NT5C1B: variants seen among roughly 807,000 people sequenced by gnomAD.
NT5C1B encodes the protein cytosolic 5'-nucleotidase 1B.
In NT5C1B, 44 loss-of-function variants were observed where a neutral mutation model predicts 57.8. The ratio of observed to expected loss-of-function variants is 0.76; its 90% CI spans 0.60 to 0.98. The LOEUF is 0.98. Ranked by LOEUF, NT5C1B falls within the 50% of genes least tolerant of loss-of-function variation. NT5C1B has a pLI of 0.00. For missense variants in NT5C1B, 742 were observed against 719.5 expected, an observed-to-expected ratio of 1.03 and a Z score of -0.36; for synonymous variants, 284 against 282.6, an observed-to-expected ratio of 1.00 and a Z score of -0.05.
intron 8 of NT5C1B, 88 bp downstream of exon 8, chr2:18,576,096 A>C: frequency 7.4e-7 from 1 of 1,357,290 alleles, no homozygotes; most frequent in Non-Finnish European, 9.7e-7. Context: ...GAATAACTTA[A>C]ACATTCATCA....
intron 8 of NT5C1B, among the ~76,000 whole-genome samples, chr2:18,571,718 GTATATATATATATATATATATATATATA>G (rs59799495): frequency 3.2e-4 from 36 of 111,474 alleles, no homozygotes; most frequent in East Asian, 1.0e-3. Flanking sequence ...CTGTGTGTGT[GTATATATATATATATATATATATATATA>G]TATATATATA....
At chr2:18,571,154 A>G (rs1463453879) in intron 8 of NT5C1B, among the ~76,000 whole-genome samples, 1 of 152,198 alleles carries the variant, frequency 6.6e-6, no homozygotes, top group Admixed American at 6.5e-5. Context: ...CACTGTTCTG[A>G]ACATTGTACT....
intron 6 of NT5C1B, among the ~76,000 whole-genome samples, chr2:18,582,318 G>T (rs533828613): frequency 6.6e-6 from 1 of 152,258 alleles, no homozygotes; most frequent in East Asian, 1.9e-4. Context: ...AATAATTCAG[G>T]TAGTTCCATA....
chr2:18,580,611 G>A (rs1022642985), intron 6 of NT5C1B, among the ~76,000 whole-genome samples: 5 of 151,930 alleles, frequency 3.3e-5, no homozygotes, highest in East Asian at 1.9e-4. Context: ...GCAAAATTCC[G>A]TCTCAAAAAA....
At chr2:18,571,562 T>A (rs1321300599) in intron 8 of NT5C1B, among the ~76,000 whole-genome samples, 1 of 151,346 alleles carries the variant, frequency 6.6e-6, no homozygotes, top group African/African-American at 2.4e-5. Context: ...AGACTTAATA[T>A]TGTTAAGATA....
At chr2:18,572,492 A>G (rs1266600526) in intron 8 of NT5C1B, among the ~76,000 whole-genome samples, 1 of 152,240 alleles carries the variant, frequency 6.6e-6, no homozygotes, top group Non-Finnish European at 1.5e-5. Context: ...AAGCACTGAA[A>G]GATGTTAGAA....
intron 6 of NT5C1B, among the ~76,000 whole-genome samples, chr2:18,577,242 A>T (rs1665767904): frequency 6.6e-6 from 1 of 152,052 alleles, no homozygotes; most frequent in Non-Finnish European, 1.5e-5. Context: ...GACTTATCTA[A>T]CACACTGATT....
rs1018978782 is a variant in NT5C1B, at chr2:18,584,672, G to A, written c.565C>T (p.Arg189Cys). The A allele has an allele frequency of 6.2e-7, 1 of 1,612,350 alleles. No homozygotes were observed. The highest frequency in any genetic ancestry group is 1.7e-5 in the Admixed American group (1 of 59,922). Residue 189 changes from arginine (R) to cysteine (C), a missense_variant, in exon 4 of 9, where the codon CGC becomes TGC. Arg to Cys is a radical substitution (Grantham distance 180). Transcript: ENST00000304081. This position sits in a 1 kb window ranked among gnomAD's most constrained non-coding sequence, Gnocchi z 5.8. ...GTGGAGGCGGGGTAGATCCCCCTGC[G>A]CTGGCTGGAGGACTTCCACTCGGTG... is the stretch of plus-strand genomic sequence containing the variant.
At chr2:18,586,888 A>G (rs1026779382) in intron 2 of NT5C1B, 74 of 1,538,362 alleles carry the variant, frequency 4.8e-5, no homozygotes, top group Non-Finnish European at 6.3e-5. Context: ...AGAATGAAGG[A>G]CCCCCCGGAA....
Position 18,584,033 on chromosome 2 carries a change from G to A in NT5C1B, c.891+55C>T, listed in dbSNP as rs1403425256. On this transcript the variant is annotated intron_variant, in intron 5 of 8. Transcript: ENST00000304081. This position sits in a 1 kb window ranked among gnomAD's most constrained non-coding sequence, Gnocchi z 5.8. Reference sequence around the variant, plus strand: ...GGATGCCCTCCCAAGGGTTGGCCTGGGTCCCTCCCTCGCCATCGAGTGTCC... The same window carrying A: ...GGATGCCCTCCCAAGGGTTGGCCTGAGTCCCTCCCTCGCCATCGAGTGTCC... 1.2e-6 allele frequency: 2 copies of A among 1,614,002 alleles called. No homozygotes were observed. Among genetic ancestry groups the A allele is most frequent in the Admixed American group, 1.7e-5 (1 of 60,024 alleles).
At chr2:18,576,352 T>C (rs1665675453) in exon 8 of NT5C1B, 1 of 1,612,806 alleles carries the variant, frequency 6.2e-7, no homozygotes, top group African/African-American at 1.3e-5. Flanking sequence ...CATCAAACAT[T>C]GTCGCAGAGG....
intron 6 of NT5C1B, among the ~76,000 whole-genome samples, chr2:18,578,952 A>C (rs979058102): frequency 6.6e-6 from 1 of 152,216 alleles, no homozygotes; most frequent in African/African-American, 2.4e-5. Context: ...GTTTCAGGAT[A>C]CAAAATTAAT....
At chr2:18,566,545 G>A (rs1181529186) in intron 8 of NT5C1B, among the ~76,000 whole-genome samples, 4 of 152,198 alleles carry the variant, frequency 2.6e-5, no homozygotes, top group Non-Finnish European at 5.9e-5. Context: ...ATTGCAGTTA[G>A]TCTTTAAAAC....
At chr2:18,576,197 T>G (rs1389006569) in exon 8 of NT5C1B, 1 of 1,611,696 alleles carries the variant, frequency 6.2e-7, no homozygotes, top group East Asian at 2.2e-5. Context: ...AGCAAGAGGC[T>G]TACTTTCACA....
chr2:18,581,087 A>G (rs1204912592), intron 6 of NT5C1B, among the ~76,000 whole-genome samples: 1 of 152,266 alleles, frequency 6.6e-6, no homozygotes, highest in Admixed American at 6.5e-5. Flanking sequence ...CAACATTAAT[A>G]TAACATCAAA....
chr2:18,571,105 T>C (rs7605480), intron 8 of NT5C1B, among the ~76,000 whole-genome samples: 140,007 of 152,258 alleles, frequency 0.92, 64,518 homozygotes, highest in East Asian at 1. Context: ...TTGATGTCCC[T>C]CTAAGATCTG....
At chr2:18,586,527 A>G in intron 2 of NT5C1B, 136 bp from the exon 3 acceptor site, 1 of 1,310,222 alleles carries the variant, frequency 7.6e-7, no homozygotes, top group Non-Finnish European at 1.0e-6. Context: ...ATGACTCTTA[A>G]CTCAACCTGA....
chr2:18,578,874 T>C (rs1035845640), intron 6 of NT5C1B, among the ~76,000 whole-genome samples: 5 of 152,212 alleles, frequency 3.3e-5, no homozygotes, highest in Non-Finnish European at 7.4e-5. Flanking sequence ...GAAGATGATA[T>C]GATTTTTCAC....
chr2:18,576,360 A>T, exon 8 of NT5C1B: 1 of 1,612,306 alleles, frequency 6.2e-7, no homozygotes, highest in Non-Finnish European at 8.5e-7. Flanking sequence ...ATTGTCGCAG[A>T]GGCAATACCT....
Sources: gnomAD v4.1 joint callset for allele counts (sites outside exome capture counted in the v4.1 genomes callset) on GRCh38, gnomAD v4.1.1 for gene constraint, Gnocchi (gnomAD v3.1) non-coding constraint, MANE v1.5 for transcripts, NCBI Gene and HGNC (gene_info 2026-07-23, HGNC 2026-07-21) for gene names.